MAP3K7CL: variants seen among roughly 807,000 people sequenced by gnomAD.
MAP3K7CL encodes the protein MAP3K7 C-terminal like.
A neutral mutation model predicts 18.6 loss-of-function variants in MAP3K7CL; 16 were observed. The observed-to-expected ratio is 0.86, with a 90% confidence interval of 0.58 to 1.31. The LOEUF (loss-of-function observed/expected upper bound fraction) is 1.31, where lower values mean the gene tolerates loss of function less well. Ranked by LOEUF, MAP3K7CL falls within the 50% of genes most tolerant of loss-of-function variation. The pLI is 0.00. For synonymous variants in MAP3K7CL, 65 were observed against 66.8 expected, an observed-to-expected ratio of 0.97 and a Z score of 0.13; for missense variants, 163 against 174.4, an observed-to-expected ratio of 0.93 and a Z score of 0.37.
intron 2 of MAP3K7CL, among the ~76,000 whole-genome samples, chr21:29,135,058 A>C (rs2086855980): frequency 6.7e-6 from 1 of 149,604 alleles, no homozygotes; most frequent in Non-Finnish European, 1.5e-5. Context: ...CTCAAAAAAA[A>C]AACAAAAAAA....
At chr21:29,095,141 TA>T (rs56280623) in intron 4 of MAP3K7CL, among the ~76,000 whole-genome samples, 81,938 of 135,904 alleles carry the variant, frequency 0.6, 25,314 homozygotes, top group East Asian at 0.77. Flanking sequence ...CTCATTCATT[TA>T]AAAAAAAAAA....
chr21:29,082,500 G>A (rs552575297), upstream of MAP3K7CL, among the ~76,000 whole-genome samples: 92 of 152,310 alleles, frequency 6.0e-4, no homozygotes, highest in African/African-American at 2.1e-3. Context: ...CAGGCTTGGA[G>A]GTCTCAGCTG....
Sources: gnomAD v4.1 joint callset for allele counts (sites outside exome capture counted in the v4.1 genomes callset) on GRCh38, gnomAD v4.1.1 for gene constraint, MANE v1.5 for transcripts, NCBI Gene and HGNC (gene_info 2026-07-23, HGNC 2026-07-21) for gene names.